ABCC12: variants seen among roughly 807,000 people sequenced by gnomAD.
ABCC12 encodes ATP-binding cassette sub-family C member 12.
In ABCC12, 142 loss-of-function variants were observed where a neutral mutation model predicts 151.1. The ratio of observed to expected loss-of-function variants is 0.94; its 90% CI spans 0.82 to 1.08. The LOEUF (loss-of-function observed/expected upper bound fraction) is 1.08, where lower values mean the gene tolerates loss of function less well. Among genes scored for constraint, ABCC12 ranks in the 50% least tolerant of loss-of-function variants. The probability of loss-of-function intolerance (pLI) is 0.00; values close to 1 mark genes in which losing one functional copy is unlikely to be tolerated. For missense variants in ABCC12, 1,638 were observed against 1,691.1 expected, an observed-to-expected ratio of 0.97 and a Z score of 0.55; for synonymous variants, 645 against 646.4, an observed-to-expected ratio of 1.00 and a Z score of 0.03.
In ABCC12 at chr16:48,148,096, C is replaced by T. The variant is rs568238691; in HGVS notation, c.-50-1622G>A. 3.3e-5 allele frequency among the ~76,000 whole-genome samples: 5 copies of T among 152,196 alleles called. No individual in the cohort carries two copies. The South Asian group carries it at 6.2e-4, about 19-fold the overall frequency. ...CTGAGTAGCCGGGACTAGAGGTGCA[C>T]GCCACTGCGTCTGGCTAATTTTTGT... On this transcript the variant is annotated intron_variant, in intron 2 of 30. Coordinates refer to ENST00000311303, the MANE Select transcript of ABCC12 (RefSeq NM_001393797.1).
intron 2 of ABCC12, among the ~76,000 whole-genome samples, chr16:48,147,334 C>T (rs887814560): frequency 1.2e-4 from 18 of 152,224 alleles, no homozygotes; most frequent in African/African-American, 4.3e-4. Context: ...GGTCCCATGA[C>T]AGCCACTTCC....
chr16:48,112,537 G>A (rs1963733213), intron 15 of ABCC12, among the ~76,000 whole-genome samples: 1 of 152,224 alleles, frequency 6.6e-6, no homozygotes, highest in South Asian at 2.1e-4. Context: ...GGAGGTTGCA[G>A]TGAGCCAAGA....
intron 21 of ABCC12, 95 bp downstream of exon 21, chr16:48,105,044 C>T: frequency 7.1e-7 from 1 of 1,408,420 alleles, no homozygotes; most frequent in South Asian, 1.2e-5. Flanking sequence ...CTCTGGCTGT[C>T]CCCAGAGCCC....
intron 21 of ABCC12, 105 bp from the exon 22 acceptor site, chr16:48,104,473 C>T (rs1289951477): frequency 2.0e-6 from 2 of 977,592 alleles, no homozygotes; most frequent in Non-Finnish European, 3.2e-6. Flanking sequence ...ACCTTTTTTC[C>T]AGGGCACAAC....
intron 28 of ABCC12, 80 bp from the exon 29 acceptor site, chr16:48,085,786 C>G (rs1294699713): frequency 9.0e-7 from 1 of 1,111,980 alleles, no homozygotes; most frequent in African/African-American, 1.6e-5. Context: ...TTGCCCCCTT[C>G]TCTTGCATTC....
intron 4 of ABCC12, among the ~76,000 whole-genome samples, chr16:48,143,652 G>A (rs975437411): frequency 6.6e-6 from 1 of 152,184 alleles, no homozygotes; most frequent in African/African-American, 2.4e-5. Flanking sequence ...TTCCTGTGCT[G>A]TTCTTGTGAT....
At position 48,082,021 on chromosome 16, in the gene ABCC12, G is replaced by T. The variant is rs1172005392; in HGVS notation, c.*1694C>A. On this transcript the variant is annotated 3_prime_UTR_variant, in exon 31 of 31. Coordinates refer to ENST00000311303, the MANE Select transcript of ABCC12 (RefSeq NM_001393797.1). ...TGCCCACACTCAGCTGGGAGCAGCT[G>T]CTCAGAACGCTGTGGATGTGGGTTT... Among the ~76,000 whole-genome samples, 1 of 152,162 alleles carries T rather than the reference G, an allele frequency of 6.6e-6. No homozygotes were observed. Among genetic ancestry groups the T allele is most frequent in the African/African-American group, 2.4e-5 (1 of 41,450 alleles).
chr16:48,107,064 C>T (rs1963516907), intron 20 of ABCC12, among the ~76,000 whole-genome samples: 1 of 152,184 alleles, frequency 6.6e-6, no homozygotes. Context: ...TGATTCCAGA[C>T]AAGCTGGGGC....
At position 48,128,617 on chromosome 16, in the gene ABCC12, G is replaced by C. The variant is rs1202310632; in HGVS notation, c.1357C>G (p.Pro453Ala). 3.1e-6 allele frequency: 5 copies of C among 1,614,134 alleles called. No homozygotes were observed. The highest frequency in any genetic ancestry group is 4.2e-6 in the Non-Finnish European group (5 of 1,180,026). ...WEHEASRKSTPKKLQNQKRHL... is the reference protein window; with the variant it reads ...WEHEASRKSTAKKLQNQKRHL... The stretch of plus-strand genomic sequence containing the variant: ...CTTTTCTGGTTCTGCAATTTCTTTG[G>C]GGTACTTTTCCTGCTGGCTTCATGC... The change falls in exon 11 of 31, where the codon CCA becomes GCA. Residue 453 changes from proline to alanine, a missense_variant. Transcript: ENST00000311303.
At chr16:48,108,913 G>A (rs1290449994) in intron 18 of ABCC12, among the ~76,000 whole-genome samples, 1 of 152,162 alleles carries the variant, frequency 6.6e-6, no homozygotes, top group Admixed American at 6.5e-5. Context: ...ACCACTGTGG[G>A]CCACTGGGGC....
At position 48,128,538 on chromosome 16, in the gene ABCC12, G is replaced by T. The variant is rs1964315023; in HGVS notation, c.1436C>A (p.Ala479Asp). Residue 479 changes from alanine to aspartate, a missense_variant, in exon 11 of 31, where the codon GCC (alanine) becomes GAC (aspartate). Physicochemically the swap from Ala to Asp is moderately radical, Grantham distance 126. Coordinates refer to ENST00000311303, the MANE Select transcript of ABCC12 (RefSeq NM_001393797.1). ...SEAYSERSPP[A>D]KGATGPEEQS... ...CTCCTCTGGGCCAGTGGCTCCCTTG[G>T]CTGGTGGACTCCTCTCACTGTATGC... 6.2e-7 allele frequency: 1 copy of T among 1,614,216 alleles called. No individual in the cohort carries two copies. Among genetic ancestry groups the T allele is most frequent in the South Asian group, 1.1e-5 (1 of 91,082 alleles).
In ABCC12 at chr16:48,088,618, G is replaced by T. The variant is rs149816514; in HGVS notation, c.3402C>A (p.Pro1134=). The change falls in exon 26 of 31, where the codon CCC becomes CCA. Residue 1134 remains proline (P), a synonymous_variant. Transcript: ENST00000311303. The stretch of plus-strand genomic sequence containing the variant: ...TCAAGTTCAGGCTGTCGAGAACAAG[G>T]GGGGTGTTGTCTCTGTATCTCATCT... ...DYQMRYRDNT[P]LVLDSLNLNI... The T allele has an allele frequency of 2.5e-6, 4 of 1,614,092 alleles. No homozygotes were observed. In the African/African-American group the frequency reaches 4.0e-5, roughly 16 times the overall value.
rs1464211910 is a variant in ABCC12, at chr16:48,104,035, T to C, written c.2900+107A>G. The C allele has an allele frequency of 3.3e-6, 4 of 1,213,292 alleles. No individual in the cohort carries two copies. In the South Asian group the frequency reaches 4.5e-5, roughly 14 times the overall value. 75.2% of individuals were successfully genotyped at this position (1,213,292 alleles called of 1,614,324 possible). A position where few individuals can be genotyped will look rare whatever the true frequency, so the allele number is the denominator to read the frequency against. ...ATTTACTAAGTACAAAAAAAATCAA[T>C]GGTAGACCATCAGTAAAGACAGCAA... On this transcript the variant is annotated intron_variant, in intron 22 of 30. Coordinates refer to ENST00000311303, the MANE Select transcript of ABCC12 (RefSeq NM_001393797.1).
intron 2 of ABCC12, among the ~76,000 whole-genome samples, chr16:48,148,433 T>C (rs1965070049): frequency 1.3e-5 from 2 of 151,874 alleles, no homozygotes; most frequent in Non-Finnish European, 2.9e-5. Flanking sequence ...GACGAGGTCT[T>C]GCCATGTTGC....
At chr16:48,120,156 C>A (rs772400608) in intron 13 of ABCC12, among the ~76,000 whole-genome samples, 1 of 152,144 alleles carries the variant, frequency 6.6e-6, no homozygotes, top group Non-Finnish European at 1.5e-5. Context: ...TAAAAAAGAA[C>A]AAAATCATGT....
chr16:48,084,655 A>G (rs1962505715), intron 29 of ABCC12, among the ~76,000 whole-genome samples: 1 of 152,130 alleles, frequency 6.6e-6, no homozygotes, highest in African/African-American at 2.4e-5. Flanking sequence ...CCTCCTTGGA[A>G]AGCCCCATAT....
At chr16:48,133,878 T>A in intron 8 of ABCC12, 43 bp from the exon 9 acceptor site, 1 of 1,610,210 alleles carries the variant, frequency 6.2e-7, no homozygotes, top group African/African-American at 1.3e-5. Context: ...ATTTTGCATG[T>A]CGAACACTAG....
At position 48,143,936 on chromosome 16, in the gene ABCC12, A is replaced by T; in HGVS notation, c.249T>A (p.Tyr83Ter). ...TTTTGGCATTGGTGTCAGATGAGTC[A>T]TATGTCGACAATGGGGGCAGGGTGT... is the stretch of plus-strand genomic sequence containing the variant. The part of the protein sequence containing the change: ...TVDTLPPLST[Y>*]DSSDTNAKRF... Residue 83 changes from tyrosine to a stop codon, truncating the protein, a stop_gained, in exon 4 of 31, where the codon TAT (tyrosine) becomes TAA (stop). Coordinates refer to ENST00000311303, the MANE Select transcript of ABCC12 (RefSeq NM_001393797.1). LOFTEE classifies it high-confidence loss of function. The T allele has an allele frequency of 6.2e-7, 1 of 1,614,164 alleles. No homozygotes were observed. The highest frequency in any genetic ancestry group is 8.5e-7 in the Non-Finnish European group (1 of 1,180,002).
chr16:48,089,984 T>C (rs1033228120), intron 25 of ABCC12, among the ~76,000 whole-genome samples: 4 of 151,182 alleles, frequency 2.6e-5, no homozygotes, highest in Non-Finnish European at 5.9e-5. Flanking sequence ...AATCAGATCA[T>C]TGAGGTACTT....
Sources: gnomAD v4.1 joint callset for allele counts (sites outside exome capture counted in the v4.1 genomes callset) on GRCh38, gnomAD v4.1.1 for gene constraint, MANE v1.5 for transcripts, NCBI Gene and HGNC (gene_info 2026-07-23, HGNC 2026-07-21) for gene names.